HMGCLL1: variants seen among roughly 807,000 people sequenced by gnomAD.
HMGCLL1 encodes 3-hydroxymethyl-3-methylglutaryl-CoA lyase, cytoplasmic.
Under a neutral mutation model 39.1 loss-of-function variants are expected in HMGCLL1, and 36 were observed. The ratio of observed to expected loss-of-function variants is 0.92; its 90% CI spans 0.71 to 1.22. The LOEUF (loss-of-function observed/expected upper bound fraction) is 1.22, where lower values mean the gene tolerates loss of function less well. Among genes scored for constraint, HMGCLL1 ranks in the 50% most tolerant of loss-of-function variants. HMGCLL1 has a pLI of 0.00. For synonymous variants in HMGCLL1, 149 were observed against 144.0 expected (o/e 1.03, Z -0.25); for missense variants, 451 against 416.5 (o/e 1.08, Z -0.72).
the HMGCLL1 span, among the ~76,000 whole-genome samples, chr6:55,604,610 T>A: frequency 2.6e-5 from 4 of 152,162 alleles, no homozygotes; most frequent in Admixed American, 2.6e-4. Context: ...TTTCAAGGGC[T>A]ATTGACAAAT....
intron 1 of HMGCLL1, among the ~76,000 whole-genome samples, chr6:55,553,248 C>T (rs1051878696): frequency 4.9e-5 from 7 of 143,716 alleles, no homozygotes; most frequent in Admixed American, 1.4e-4. Context: ...TACATATATA[C>T]GTGTGTGTGT....
chr6:55,584,302 A>G, the HMGCLL1 span, among the ~76,000 whole-genome samples: 1 of 152,158 alleles, frequency 6.6e-6, no homozygotes, highest in African/African-American at 2.4e-5. Context: ...AAGACAGGGA[A>G]CAAGAGATGC....
chr6:55,553,153 C>A (rs1296070556), intron 1 of HMGCLL1, among the ~76,000 whole-genome samples: 46 of 83,036 alleles, frequency 5.5e-4, no homozygotes, highest in East Asian at 5.3e-3. Context: ...CTCTCTCTCT[C>A]TCTCTCTATA....
chr6:55,480,878 G>A (rs1765708133), intron 7 of HMGCLL1, among the ~76,000 whole-genome samples: 3 of 152,068 alleles, frequency 2.0e-5, no homozygotes, highest in East Asian at 1.9e-4. Flanking sequence ...AATAAGCCAG[G>A]CACAGAAAGA....
intron 7 of HMGCLL1, among the ~76,000 whole-genome samples, chr6:55,491,702 C>G (rs931977756): frequency 6.6e-6 from 1 of 152,058 alleles, no homozygotes; most frequent in Non-Finnish European, 1.5e-5. Context: ...TAAATTTTTA[C>G]ATTAAAAATT....
the HMGCLL1 span, among the ~76,000 whole-genome samples, chr6:55,663,300 A>C: frequency 6.7e-6 from 1 of 149,882 alleles, no homozygotes; most frequent in Admixed American, 6.7e-5. Flanking sequence ...AGATATTTCT[A>C]ACTTTTTGAT....
intron 1 of HMGCLL1, among the ~76,000 whole-genome samples, chr6:55,546,559 C>A (rs1359285175): frequency 2.0e-5 from 3 of 152,034 alleles, no homozygotes; most frequent in Non-Finnish European, 4.4e-5. Flanking sequence ...ATCATTCAAC[C>A]AAAACTCCTG....
At chr6:55,479,335 T>A (rs988318409) in intron 7 of HMGCLL1, among the ~76,000 whole-genome samples, 1 of 151,534 alleles carries the variant, frequency 6.6e-6, no homozygotes, top group African/African-American at 2.4e-5. Flanking sequence ...AAACTACACA[T>A]TTTTCCTTAT....
chr6:55,614,953 C>A, the HMGCLL1 span, among the ~76,000 whole-genome samples: 1 of 151,664 alleles, frequency 6.6e-6, no homozygotes, highest in Non-Finnish European at 1.5e-5. Context: ...GCAGCGTGAG[C>A]AGTATAACAA....
intron 1 of HMGCLL1, among the ~76,000 whole-genome samples, chr6:55,551,128 T>A (rs1405881770): frequency 6.6e-6 from 1 of 151,170 alleles, no homozygotes. Flanking sequence ...GAGAACTATA[T>A]AAAGTAATTC....
At chr6:55,502,901 T>C (rs1766966230) in intron 5 of HMGCLL1, among the ~76,000 whole-genome samples, 1 of 151,696 alleles carries the variant, frequency 6.6e-6, no homozygotes, top group African/African-American at 2.4e-5. Flanking sequence ...CTTATGTTCT[T>C]ACTTTGCCTC....
intron 7 of HMGCLL1, among the ~76,000 whole-genome samples, chr6:55,470,678 C>A (rs1396584071): frequency 2.0e-5 from 3 of 151,718 alleles, no homozygotes; most frequent in Non-Finnish European, 4.4e-5. Flanking sequence ...TGTTTTCACA[C>A]TGCTATAAAA....
chr6:55,463,677 C>G (rs945006612), intron 7 of HMGCLL1, among the ~76,000 whole-genome samples: 3 of 152,104 alleles, frequency 2.0e-5, no homozygotes, highest in Non-Finnish European at 2.9e-5. Context: ...TCCTCTTTTC[C>G]TAAATCTAGT....
At chr6:55,672,839 T>C in the HMGCLL1 span, among the ~76,000 whole-genome samples, 1 of 152,066 alleles carries the variant, frequency 6.6e-6, no homozygotes, top group Non-Finnish European at 1.5e-5. Context: ...AGTAAAATGG[T>C]TGATTTAGCT....
the HMGCLL1 span, among the ~76,000 whole-genome samples, chr6:55,645,981 T>C: frequency 6.6e-6 from 1 of 151,962 alleles, no homozygotes; most frequent in Non-Finnish European, 1.5e-5. Flanking sequence ...TTAGTTCTTC[T>C]TTAAATGTTT....
chr6:55,442,614 A>G (rs2127382539), intron 7 of HMGCLL1, among the ~76,000 whole-genome samples: 1 of 152,300 alleles, frequency 6.6e-6, no homozygotes, highest in South Asian at 2.1e-4. Context: ...ACCTAAGGAA[A>G]GTTTACAAAG....
the HMGCLL1 span, among the ~76,000 whole-genome samples, chr6:55,595,114 G>A: frequency 0.036 from 5,475 of 152,170 alleles, 158 homozygotes; most frequent in South Asian, 0.11. Context: ...AATTGAAAAT[G>A]AATTTTTAAG....
the HMGCLL1 span, among the ~76,000 whole-genome samples, chr6:55,649,949 A>G: frequency 0.41 from 60,912 of 148,216 alleles, 13,096 homozygotes; most frequent in Middle Eastern, 0.56. Context: ...AATTACTTCA[A>G]TCTCTTTGTT....
At chr6:55,603,040 C>T in the HMGCLL1 span, among the ~76,000 whole-genome samples, 2 of 151,934 alleles carry the variant, frequency 1.3e-5, no homozygotes, top group Non-Finnish European at 1.5e-5. Flanking sequence ...ACTGAGAATT[C>T]CTGATTTAAG....
Sources: allele counts gnomAD v4.1 joint callset (sites outside exome capture counted in the v4.1 genomes callset), GRCh38; gene constraint gnomAD v4.1.1; transcripts MANE v1.5; gene names NCBI Gene and HGNC (gene_info 2026-07-23, HGNC 2026-07-21).